Variants in EVA1C observed in about 807,000 individuals in gnomAD.
EVA1C encodes the protein protein eva-1 homolog C.
A neutral mutation model predicts 45.4 loss-of-function variants in EVA1C; 25 were observed. That is an observed-to-expected ratio of 0.55 (90% confidence interval 0.40 to 0.77). EVA1C has a LOEUF of 0.77. Among genes scored for constraint, EVA1C ranks in the 30% least tolerant of loss-of-function variants. The probability of loss-of-function intolerance (pLI) is 0.00; values close to 1 mark genes in which losing one functional copy is unlikely to be tolerated. For synonymous variants in EVA1C, 190 were observed against 221.2 expected, an observed-to-expected ratio of 0.86 and a Z score of 1.25; for missense variants, 479 against 554.8, an observed-to-expected ratio of 0.86 and a Z score of 1.37.
At chr21:32,447,805 A>C (rs900413932) in intron 1 of EVA1C, among the ~76,000 whole-genome samples, 3 of 152,126 alleles carry the variant, frequency 2.0e-5, no homozygotes, top group Non-Finnish European at 4.4e-5. Flanking sequence ...TCCCAGATTC[A>C]AGTGATTCAC....
intron 1 of EVA1C, among the ~76,000 whole-genome samples, chr21:32,423,721 C>T (rs1203991579): frequency 1.3e-5 from 2 of 152,144 alleles, no homozygotes; most frequent in Admixed American, 6.6e-5. Context: ...TTCTCCTGCA[C>T]TAACAAGTTA....
intron 4 of EVA1C, among the ~76,000 whole-genome samples, chr21:32,477,630 C>G (rs1260561079): frequency 6.6e-6 from 1 of 151,772 alleles, no homozygotes; most frequent in Non-Finnish European, 1.5e-5. Flanking sequence ...TCTTATGTGT[C>G]CTTACAACAC....
chr21:32,498,396 G>A (rs2037421553), intron 5 of EVA1C, among the ~76,000 whole-genome samples: 1 of 149,322 alleles, frequency 6.7e-6, no homozygotes, highest in African/African-American at 2.5e-5. Flanking sequence ...GCAGTGAGCT[G>A]AGATCTCGTC....
chr21:32,426,956 T>C (rs2034511931), intron 1 of EVA1C, among the ~76,000 whole-genome samples: 1 of 152,194 alleles, frequency 6.6e-6, no homozygotes, highest in Non-Finnish European at 1.5e-5. Context: ...TTTTAAGAGC[T>C]TTGTCCCAAA....
At chr21:32,440,858 T>C (rs1323245926) in intron 1 of EVA1C, among the ~76,000 whole-genome samples, 2 of 152,178 alleles carry the variant, frequency 1.3e-5, no homozygotes, top group Admixed American at 6.5e-5. Context: ...CCCAGCACTT[T>C]GGGAGGCCGA....
chr21:32,496,943 G>A (rs1372105021), intron 5 of EVA1C: 50 of 1,374,196 alleles, frequency 3.6e-5, no homozygotes, highest in Admixed American at 5.0e-5. Flanking sequence ...GCAACTAAAA[G>A]AAACAGACCA....
rs56896821 is a variant in EVA1C, at chr21:32,452,353, C to T, written c.161-959C>T. ...TTCCCTTATCCCCCCTTGCAGGGCA[C>T]GTGACAGGGGCATGGCTCGCTTCTC... On this transcript the variant is annotated intron_variant, in intron 1 of 7. Transcript: ENST00000300255. This position sits in a 1 kb window ranked among gnomAD's most constrained non-coding sequence, Gnocchi z 4.0. 0.22 allele frequency: 33,393 copies of T among 152,186 alleles called. 3,821 individuals are homozygous for T. The highest frequency in any genetic ancestry group is 0.3 in the Admixed American group (4,608 of 15,286). The allele number at this position is 152,186 out of a possible 1,614,324, so 9.4% of individuals were successfully genotyped here. A position where few individuals can be genotyped will look rare whatever the true frequency, so the allele number is the denominator to read the frequency against.
At chr21:32,489,170 C>T (rs1378775894) in intron 4 of EVA1C, among the ~76,000 whole-genome samples, 2 of 152,192 alleles carry the variant, frequency 1.3e-5, no homozygotes, top group Non-Finnish European at 2.9e-5. Context: ...ATTGCCAAGA[C>T]CAAGGTCAAG....
rs574693997 is a variant in EVA1C at position 32,508,183 on chromosome 21, C to T, written c.949+4168C>T. 3.9e-5 allele frequency among the ~76,000 whole-genome samples: 6 copies of T among 152,348 alleles called. No individual in the cohort carries two copies. In the East Asian group the frequency reaches 1.2e-3, roughly 29 times the overall value. On this transcript the variant is annotated intron_variant, in intron 7 of 7. Coordinates refer to ENST00000300255, the MANE Select transcript of EVA1C (RefSeq NM_058187.5). ...GTCTTGCATGAGAATATGACCTCTC[C>T]TATTCCACATAATTACTGTTTCATT...
chr21:32,444,402 A>G (rs571926835), intron 1 of EVA1C, among the ~76,000 whole-genome samples: 77 of 152,286 alleles, frequency 5.1e-4, no homozygotes, highest in Middle Eastern at 3.4e-3. Context: ...GGTTCCATCA[A>G]TATGGAGTGG....
At chr21:32,489,502 CTTTGTAGTAGAT>C (rs2037084170) in intron 4 of EVA1C, among the ~76,000 whole-genome samples, 1 of 152,140 alleles carries the variant, frequency 6.6e-6, no homozygotes, top group African/African-American at 2.4e-5. Flanking sequence ...ATTACTATAG[CTTTGTAGTAGAT>C]TTTGTGAGTA....
At chr21:32,426,811 A>G (rs1434397495) in intron 1 of EVA1C, among the ~76,000 whole-genome samples, 1 of 150,894 alleles carries the variant, frequency 6.6e-6, no homozygotes, top group Non-Finnish European at 1.5e-5. Context: ...AACTCTACTT[A>G]AAATATTTTT....
intron 1 of EVA1C, among the ~76,000 whole-genome samples, chr21:32,446,103 T>C (rs1257351446): frequency 3.3e-5 from 5 of 151,830 alleles, no homozygotes; most frequent in Non-Finnish European, 7.4e-5. Context: ...AATAGCCAGG[T>C]GTGGTGGCAC....
intron 4 of EVA1C, among the ~76,000 whole-genome samples, chr21:32,482,151 A>G (rs2036811292): frequency 6.6e-6 from 1 of 152,154 alleles, no homozygotes; most frequent in African/African-American, 2.4e-5. Context: ...GAGGAAACTG[A>G]GGCTTAGCAA....
rs571837013 is a variant in EVA1C, at chr21:32,493,800, T to TTATG, written c.635-1224_635-1223insGTAT. On this transcript the variant is annotated intron_variant, in intron 4 of 7. Coordinates refer to ENST00000300255, the MANE Select transcript of EVA1C (RefSeq NM_058187.5). ...TTTATTTATTTATTTATTTATTTATTTATTTATTTATTTATTTGAGACGCA... is the reference window on the plus strand; with the variant it reads ...TTTATTTATTTATTTATTTATTTATTTATGTATTTATTTATTTATTTGAGACGCA... 12 of 151,254 alleles carry TTATG rather than the reference T, an allele frequency of 7.9e-5. No individual in the cohort carries two copies. The South Asian group carries it at 2.5e-3, about 32-fold the overall frequency. The allele number at this position is 151,254 out of a possible 1,614,324, so 9.4% of individuals were successfully genotyped here. A position where few individuals can be genotyped will look rare whatever the true frequency, so the allele number is the denominator to read the frequency against.
Position 32,515,253 on chromosome 21 carries a change from C to T in EVA1C, c.*63C>T, listed in dbSNP as rs1473056136. 4 of 1,504,674 alleles carry T rather than the reference C, an allele frequency of 2.7e-6. No homozygotes were observed. The highest frequency in any genetic ancestry group is 3.6e-6 in the Non-Finnish European group (4 of 1,118,906). 93.2% of individuals were successfully genotyped at this position (1,504,674 alleles called of 1,614,324 possible). On this transcript the variant is annotated 3_prime_UTR_variant, in exon 8 of 8. Transcript: ENST00000300255. ...GAAGGAAGGATCCCAAATGCCCCTCCAGTTCTGGTTCACCTGTACCTTCTA... is the reference window on the plus strand; with the variant it reads ...GAAGGAAGGATCCCAAATGCCCCTCTAGTTCTGGTTCACCTGTACCTTCTA...
At chr21:32,450,865 ACTC>A (rs2035555313) in intron 1 of EVA1C, among the ~76,000 whole-genome samples, 1 of 151,832 alleles carries the variant, frequency 6.6e-6, no homozygotes, top group Non-Finnish European at 1.5e-5. Context: ...TCTGACCCAC[ACTC>A]CTGGTGCCAA....
chr21:32,480,746 T>C (rs2036750452), intron 4 of EVA1C, among the ~76,000 whole-genome samples: 1 of 152,130 alleles, frequency 6.6e-6, no homozygotes, highest in Non-Finnish European at 1.5e-5. Context: ...GTGGATCACC[T>C]GAGGTCAGGA....
chr21:32,503,426 A>G (rs1040656848), intron 6 of EVA1C, among the ~76,000 whole-genome samples: 1 of 152,176 alleles, frequency 6.6e-6, no homozygotes, highest in African/African-American at 2.4e-5. Flanking sequence ...CGTGCCTGTA[A>G]TCCCAGCTAC....
Sources: gnomAD v4.1 joint callset for allele counts (sites outside exome capture counted in the v4.1 genomes callset) on GRCh38, gnomAD v4.1.1 for gene constraint, Gnocchi (gnomAD v3.1) non-coding constraint, MANE v1.5 for transcripts, NCBI Gene and HGNC (gene_info 2026-07-23, HGNC 2026-07-21) for gene names.